CALN1: variants seen among roughly 807,000 people sequenced by gnomAD.
The protein encoded by CALN1 is calneuron 1, also known as calcium-binding protein 8.
Under a neutral mutation model 30.6 loss-of-function variants are expected in CALN1, and 17 were observed. The ratio of observed to expected loss-of-function variants is 0.56; its 90% CI spans 0.38 to 0.83. The LOEUF (loss-of-function observed/expected upper bound fraction) is 0.83. CALN1 is among the 40% of genes least tolerant of loss of function. The probability of loss-of-function intolerance (pLI) is 0.00; values close to 1 mark genes in which losing one functional copy is unlikely to be tolerated. For synonymous variants in CALN1, 156 were observed against 131.4 expected (o/e 1.19, Z -1.28); for missense variants, 291 against 354.9 (o/e 0.82, Z 1.45).
chr7:72,354,326 C>A (rs550215015), intron 2 of CALN1, among the ~76,000 whole-genome samples: 1 of 152,200 alleles, frequency 6.6e-6, no homozygotes, highest in East Asian at 1.9e-4. Flanking sequence ...TAAATGGAGA[C>A]CTATACCATG....
chr7:71,924,065 C>T (rs1472297187), intron 5 of CALN1, among the ~76,000 whole-genome samples: 1 of 151,980 alleles, frequency 6.6e-6, no homozygotes. Flanking sequence ...TGGTGGCGGC[C>T]ACCTGTAATC....
At chr7:72,384,451 C>T (rs1173487077) in intron 2 of CALN1, among the ~76,000 whole-genome samples, 1 of 151,920 alleles carries the variant, frequency 6.6e-6, no homozygotes, top group Non-Finnish European at 1.5e-5. Context: ...GAACTTATAC[C>T]TTTTTATTAA....
intron 5 of CALN1, among the ~76,000 whole-genome samples, chr7:72,010,828 G>C (rs112063335): frequency 8.2e-4 from 121 of 148,070 alleles, no homozygotes; most frequent in African/African-American, 2.7e-3. Flanking sequence ...GAAAAGAAAA[G>C]AAAAGAAAAA....
chr7:72,484,621 C>A, the CALN1 span, among the ~76,000 whole-genome samples: 2 of 152,004 alleles, frequency 1.3e-5, no homozygotes, highest in Non-Finnish European at 2.9e-5. Context: ...ACTCAGGATT[C>A]CTCTGTGCAG....
At chr7:72,229,817 C>G (rs1054449847) in intron 3 of CALN1, among the ~76,000 whole-genome samples, 2 of 151,800 alleles carry the variant, frequency 1.3e-5, no homozygotes, top group South Asian at 4.1e-4. Context: ...AGCATTAGGA[C>G]AAATACATAA....
At chr7:72,164,960 C>T (rs1788418262) in intron 3 of CALN1, among the ~76,000 whole-genome samples, 1 of 146,562 alleles carries the variant, frequency 6.8e-6, no homozygotes, top group South Asian at 2.2e-4. Context: ...CTTCCAAAGT[C>T]CTGGGATTAC....
intron 5 of CALN1, among the ~76,000 whole-genome samples, chr7:71,956,996 C>G (rs1796994269): frequency 6.6e-6 from 1 of 152,124 alleles, no homozygotes; most frequent in Non-Finnish European, 1.5e-5. Context: ...CCACACCCAG[C>G]CCTATACTTT....
intron 5 of CALN1, among the ~76,000 whole-genome samples, chr7:71,867,208 G>A (rs1056362406): frequency 1.3e-5 from 2 of 151,880 alleles, no homozygotes; most frequent in East Asian, 3.9e-4. Flanking sequence ...GATCTGGAAT[G>A]GAAATAAACA....
the CALN1 span, among the ~76,000 whole-genome samples, chr7:72,456,951 G>A: frequency 6.6e-6 from 1 of 151,850 alleles, no homozygotes; most frequent in Middle Eastern, 3.4e-3. Context: ...CTTGAACAAG[G>A]GTATACAATT....
intron 4 of CALN1, among the ~76,000 whole-genome samples, chr7:72,054,546 T>TACATATATATAC (rs1209063604): frequency 9.2e-6 from 1 of 108,354 alleles, no homozygotes; most frequent in Non-Finnish European, 1.8e-5. Context: ...TATATATACA[T>TACATATATATAC]ATATATATAT....
At chr7:72,099,950 AC>A (rs1278678935) in intron 4 of CALN1, among the ~76,000 whole-genome samples, 1 of 152,064 alleles carries the variant, frequency 6.6e-6, no homozygotes, top group African/African-American at 2.4e-5. Context: ...AGTCTCTTAA[AC>A]CGCATACCAG....
At chr7:72,290,126 A>T (rs1798379978) in intron 2 of CALN1, among the ~76,000 whole-genome samples, 1 of 120,972 alleles carries the variant, frequency 8.3e-6, no homozygotes, top group Non-Finnish European at 1.7e-5. Flanking sequence ...AAAAAAAAAA[A>T]GGATGCATTT....
At chr7:72,409,422 G>A (rs559926149) in intron 1 of CALN1, among the ~76,000 whole-genome samples, 1 of 147,722 alleles carries the variant, frequency 6.8e-6, no homozygotes, top group Non-Finnish European at 1.5e-5. Context: ...CCCTTCCTCA[G>A]AGGCTGGCGC....
chr7:72,410,278 G>A (rs1807032719), intron 1 of CALN1, among the ~76,000 whole-genome samples: 1 of 152,158 alleles, frequency 6.6e-6, no homozygotes, highest in Non-Finnish European at 1.5e-5. Context: ...CTGCACTTGT[G>A]TTACTGACTC....
intron 3 of CALN1, among the ~76,000 whole-genome samples, chr7:72,257,768 C>A (rs1177567190): frequency 6.6e-6 from 1 of 152,140 alleles, no homozygotes; most frequent in African/African-American, 2.4e-5. Flanking sequence ...ATGTGCACCA[C>A]GGAATACTAC....
At chr7:72,158,689 G>C (rs1419766271) in intron 3 of CALN1, among the ~76,000 whole-genome samples, 1 of 152,174 alleles carries the variant, frequency 6.6e-6, no homozygotes, top group Non-Finnish European at 1.5e-5. Flanking sequence ...TGCAAGTCGT[G>C]CTGAGAACTG....
intron 5 of CALN1, among the ~76,000 whole-genome samples, chr7:71,880,173 A>G (rs1457205516): frequency 6.6e-6 from 1 of 152,206 alleles, no homozygotes; most frequent in African/African-American, 2.4e-5. Context: ...AGAGATTTTC[A>G]CATTCTCAAA....
intron 4 of CALN1, among the ~76,000 whole-genome samples, chr7:72,058,530 G>A (rs1234533872): frequency 6.6e-6 from 1 of 151,810 alleles, no homozygotes; most frequent in Non-Finnish European, 1.5e-5. Context: ...TGTTGGTCAG[G>A]CTGATCTCAA....
At chr7:71,834,304 C>T (rs867378739) in intron 5 of CALN1, among the ~76,000 whole-genome samples, 20 of 142,494 alleles carry the variant, frequency 1.4e-4, no homozygotes, top group Admixed American at 2.8e-4. Flanking sequence ...GAAGTGGCCA[C>T]CTGCTATCTC....
Sources: gnomAD v4.1 joint callset for allele counts (sites outside exome capture counted in the v4.1 genomes callset) on GRCh38, gnomAD v4.1.1 for gene constraint, MANE v1.5 for transcripts, NCBI Gene and HGNC (gene_info 2026-07-23, HGNC 2026-07-21) for gene names.